The following CES5A variants were observed in gnomAD, a reference collection of about 807,000 sequenced individuals.
CES5A encodes the protein carboxylesterase 5.
A neutral mutation model predicts 62.9 loss-of-function variants in CES5A; 67 were observed. That is an observed-to-expected ratio of 1.07 (90% CI 0.88 to 1.31). The LOEUF is 1.31. CES5A is among the 50% of genes most tolerant of loss of function. The pLI is 0.00. For missense variants in CES5A, 748 were observed against 708.5 expected, an observed-to-expected ratio of 1.06 and a Z score of -0.63; for synonymous variants, 296 against 280.8, an observed-to-expected ratio of 1.05 and a Z score of -0.54.
chr16:55,946,093 A>T (rs1421826538), intron 2 of CES5A, among the ~76,000 whole-genome samples: 1 of 152,252 alleles, frequency 6.6e-6, no homozygotes, highest in Non-Finnish European at 1.5e-5. Flanking sequence ...ACATGATTGC[A>T]GTAAAGTCCC....
At chr16:55,863,768 T>C (rs2033401864) in intron 5 of CES5A, among the ~76,000 whole-genome samples, 1 of 151,418 alleles carries the variant, frequency 6.6e-6, no homozygotes, top group South Asian at 2.1e-4. Flanking sequence ...TTTCTTTTTT[T>C]TTTTTTTGAG....
chr16:55,852,955 C>T lies in CES5A; in HGVS notation c.1199G>A (p.Arg400Gln), dbSNP rs768951051. Residue 400 changes from arginine (R) to glutamine (Q), a missense_variant, in exon 10 of 13, where the codon CGA becomes CAA. Coordinates refer to ENST00000290567, the MANE Select transcript of CES5A (RefSeq NM_001143685.2). ...FHDKHSLTEI[R>Q]DSLLDLLGDV... The stretch of plus-strand genomic sequence containing the variant: ...TCCAAGCAAGTCCAGAAGACTGTCT[C>T]GGATTTCAGTCAGGGAGTGCTTGTC... 11 of 1,614,026 alleles carry T rather than the reference C, an allele frequency of 6.8e-6. No individual in the cohort carries two copies. Among genetic ancestry groups the T allele is most frequent in the South Asian group, 1.1e-5 (1 of 91,090 alleles).
chr16:55,905,918 A>G (rs112988425), intron 1 of CES5A, among the ~76,000 whole-genome samples: 22 of 152,302 alleles, frequency 1.4e-4, no homozygotes, highest in African/African-American at 5.3e-4. Context: ...ATCTTTGGAC[A>G]CTTTAGACAA....
intron 10 of CES5A, among the ~76,000 whole-genome samples, chr16:55,852,515 T>C (rs755556881): frequency 4.6e-5 from 7 of 152,254 alleles, no homozygotes; most frequent in Non-Finnish European, 8.8e-5. Flanking sequence ...CTTTAGGAGT[T>C]CCATTACTCC....
intron 1 of CES5A, among the ~76,000 whole-genome samples, chr16:55,924,702 G>GCC (rs1282236297): frequency 5.3e-5 from 8 of 152,178 alleles, no homozygotes; most frequent in African/African-American, 1.9e-4. Flanking sequence ...AAATCAGCGT[G>GCC]CTACTGGCAT....
At chr16:55,854,303 T>G (rs750681841) in intron 9 of CES5A, among the ~76,000 whole-genome samples, 9 of 152,008 alleles carry the variant, frequency 5.9e-5, no homozygotes, top group African/African-American at 9.7e-5. Flanking sequence ...ACAGCCTACT[T>G]CCCACTCTAC....
chr16:55,949,915 A>AAAC, intron 1 of CES5A: 1 of 1,159,124 alleles, frequency 8.6e-7, no homozygotes, highest in Non-Finnish European at 1.2e-6. Context: ...GGAAAAAAAG[A>AAAC]AATAATAATA....
chr16:55,865,432 G>A (rs186053961), intron 5 of CES5A, among the ~76,000 whole-genome samples: 127 of 152,216 alleles, frequency 8.3e-4, no homozygotes, highest in African/African-American at 2.9e-3. Context: ...TTAAGTTTGC[G>A]CCCACTGTAA....
At chr16:55,909,760 G>A (rs1257874408) in intron 1 of CES5A, among the ~76,000 whole-genome samples, 32 of 152,324 alleles carry the variant, frequency 2.1e-4, no homozygotes, top group Admixed American at 1.6e-3. Flanking sequence ...TGGCTGCCTG[G>A]GAAAGTTAGG....
At chr16:55,879,965 T>C (rs1203415723), upstream of CES5A, among the ~76,000 whole-genome samples, 3 of 152,232 alleles carry the variant, frequency 2.0e-5, no homozygotes, top group African/African-American at 7.2e-5. Flanking sequence ...AAACCACTTC[T>C]TCCATGCAGG....
upstream of CES5A, among the ~76,000 whole-genome samples, chr16:55,927,341 G>T (rs1174575496): frequency 1.3e-5 from 2 of 152,036 alleles, no homozygotes; most frequent in Non-Finnish European, 2.9e-5. Context: ...TACAGAATTG[G>T]ACAAAATATT....
chr16:55,918,093 G>A (rs1437919139), intron 1 of CES5A, among the ~76,000 whole-genome samples: 1 of 152,150 alleles, frequency 6.6e-6, no homozygotes, highest in African/African-American at 2.4e-5. Context: ...ATGCTGATGG[G>A]CAGGCACAGA....
intron 2 of CES5A, 113 bp from the exon 3 acceptor site, chr16:55,871,876 A>G (rs1216880276): frequency 5.5e-6 from 6 of 1,086,368 alleles, no homozygotes; most frequent in Non-Finnish European, 8.0e-6. Context: ...CCTGAGCAGA[A>G]GAGGCAGCTA....
intron 2 of CES5A, among the ~76,000 whole-genome samples, chr16:55,873,092 A>G (rs2142414299): frequency 6.6e-6 from 1 of 152,290 alleles, no homozygotes; most frequent in Non-Finnish European, 1.5e-5. Context: ...CCAGGAACCC[A>G]TGTGGCCCAA....
intron 6 of CES5A, among the ~76,000 whole-genome samples, chr16:55,861,855 C>T (rs2033357995): frequency 6.6e-6 from 1 of 152,138 alleles, no homozygotes; most frequent in African/African-American, 2.4e-5. Flanking sequence ...TATTTTGCCC[C>T]TCTGGAGTCT....
chr16:55,949,497 CA>C (rs2034532023), intron 2 of CES5A, among the ~76,000 whole-genome samples: 1 of 152,104 alleles, frequency 6.6e-6, no homozygotes, highest in Admixed American at 6.5e-5. Context: ...TCACAATGCC[CA>C]CCACATCCCC....
upstream of CES5A, among the ~76,000 whole-genome samples, chr16:55,876,262 T>G (rs1210507753): frequency 6.6e-6 from 1 of 152,270 alleles, no homozygotes; most frequent in African/African-American, 2.4e-5. Context: ...CTTGATTTTT[T>G]TTCTTTAAAT....
intron 4 of CES5A, 123 bp from the exon 5 acceptor site, chr16:55,866,239 TG>T: frequency 1.2e-6 from 1 of 820,530 alleles, no homozygotes; most frequent in Non-Finnish European, 1.8e-6. Flanking sequence ...GTCAGAGGCC[TG>T]GAGGAGCTGG....
chr16:55,864,014 G>T (rs1391580489), intron 5 of CES5A, among the ~76,000 whole-genome samples: 1 of 152,044 alleles, frequency 6.6e-6, no homozygotes, highest in Non-Finnish European at 1.5e-5. Flanking sequence ...CCAAAGTGCT[G>T]GGATGACAGG....
Sources: allele counts gnomAD v4.1 joint callset (sites outside exome capture counted in the v4.1 genomes callset), GRCh38; gene constraint gnomAD v4.1.1; transcripts MANE v1.5; gene names NCBI Gene and HGNC (gene_info 2026-07-23, HGNC 2026-07-21).